The following DACH2 variants were observed in gnomAD, a reference collection of about 807,000 sequenced individuals.
DACH2 encodes the protein dachshund family transcription factor 2.
A neutral mutation model predicts 35.8 loss-of-function variants in DACH2; 17 were observed. That is an observed-to-expected ratio of 0.48 (90% CI 0.33 to 0.71). The LOEUF is 0.71. DACH2 is among the 30% of genes least tolerant of loss of function. The pLI is 0.02. For missense variants in DACH2, 469 were observed against 472.7 expected, an observed-to-expected ratio of 0.99 and a Z score of 0.07; for synonymous variants, 195 against 177.3, an observed-to-expected ratio of 1.10 and a Z score of -0.79.
chrX:86,254,797 TATATATATATAGAGAG>T (rs1281967759), intron 1 of DACH2, among the ~76,000 whole-genome samples: 2 of 68,268 alleles, frequency 2.9e-5, no homozygotes, highest in Non-Finnish European at 5.0e-5. Context: ...TATATATATA[TATATATATATAGAGAG>T]AGAGAGAGAG....
At chrX:86,294,292 T>C (rs1254705315) in intron 1 of DACH2, among the ~76,000 whole-genome samples, 3 of 111,326 alleles carry the variant, frequency 2.7e-5, no homozygotes, top group African/African-American at 9.8e-5. Flanking sequence ...TTTAAGCACT[T>C]CTCTGTGTTG....
intron 1 of DACH2, among the ~76,000 whole-genome samples, chrX:86,235,252 CTG>C (rs1172259855): frequency 8.9e-6 from 1 of 112,150 alleles, no homozygotes; most frequent in Non-Finnish European, 1.9e-5. Context: ...TGATTTATAA[CTG>C]TAGAGGCTGG....
At chrX:86,631,082 G>C (rs1044491809) in intron 3 of DACH2, among the ~76,000 whole-genome samples, 3 of 112,167 alleles carry the variant, frequency 2.7e-5, no homozygotes, top group African/African-American at 9.7e-5. Context: ...TCCTTCCAAA[G>C]CTGTATTTTG....
intron 1 of DACH2, among the ~76,000 whole-genome samples, chrX:86,215,996 A>C (rs1481442892): frequency 8.9e-6 from 1 of 111,939 alleles, no homozygotes; most frequent in Non-Finnish European, 1.9e-5. Flanking sequence ...CTATATTCCC[A>C]AATGAGCAAA....
intron 3 of DACH2, among the ~76,000 whole-genome samples, chrX:86,585,987 G>A (rs2039565695): frequency 9.0e-6 from 1 of 111,251 alleles, no homozygotes; most frequent in Admixed American, 9.5e-5. Flanking sequence ...AAAAATTGAT[G>A]TACTGCTTTC....
At chrX:86,310,197 C>G (rs1357402067) in intron 1 of DACH2, among the ~76,000 whole-genome samples, 2 of 112,331 alleles carry the variant, frequency 1.8e-5, no homozygotes, top group Non-Finnish European at 3.8e-5. Flanking sequence ...CTATCATGAA[C>G]TGGGTGCTTT....
chrX:86,827,773 A>G (rs1458600290), intron 11 of DACH2: 1 of 1,164,666 alleles, frequency 8.6e-7, no homozygotes, highest in Non-Finnish European at 1.1e-6. Flanking sequence ...CAGCCTGAAC[A>G]CTGATGCCGG....
At chrX:86,529,971 ACACACG>A (rs1478172504) in intron 3 of DACH2, among the ~76,000 whole-genome samples, 10 of 45,128 alleles carry the variant, frequency 2.2e-4, no homozygotes, top group East Asian at 8.4e-4. Flanking sequence ...ACACACACAC[ACACACG>A]CACACACACA....
At chrX:86,825,472 T>A (rs1270117210) in intron 11 of DACH2, among the ~76,000 whole-genome samples, 2 of 111,553 alleles carry the variant, frequency 1.8e-5, no homozygotes, top group African/African-American at 6.5e-5. Context: ...TATATGCTTA[T>A]GGAAAGTGGG....
chrX:86,456,019 G>A, intron 2 of DACH2, among the ~76,000 whole-genome samples: 1 of 112,240 alleles, frequency 8.9e-6, no homozygotes, highest in East Asian at 2.8e-4. Flanking sequence ...AGATCCTTGG[G>A]AGAAGCATGG....
chrX:86,518,925 A>G (rs1180280705), intron 3 of DACH2, among the ~76,000 whole-genome samples: 1 of 111,964 alleles, frequency 8.9e-6, no homozygotes, highest in Non-Finnish European at 1.9e-5. Context: ...AGGAGCTCCA[A>G]TAATATGTTG....
intron 2 of DACH2, among the ~76,000 whole-genome samples, chrX:86,471,153 T>C (rs1384811600): frequency 1.8e-5 from 2 of 111,781 alleles, no homozygotes; most frequent in Non-Finnish European, 3.8e-5. Context: ...ATTCCTAGCA[T>C]AAAATATTTT....
At chrX:86,724,690 T>C (rs2041445248) in intron 6 of DACH2, among the ~76,000 whole-genome samples, 1 of 111,599 alleles carries the variant, frequency 9.0e-6, no homozygotes, top group South Asian at 3.7e-4. Context: ...TTGCAATGTA[T>C]ATTCTTGGAG....
intron 3 of DACH2, among the ~76,000 whole-genome samples, chrX:86,580,641 G>C (rs1294475195): frequency 9.0e-6 from 1 of 111,435 alleles, no homozygotes. Flanking sequence ...AAGAAACTAA[G>C]AGCATGAAGA....
chrX:86,705,028 T>TTATATATATATATCTCACA (rs1556379498), intron 5 of DACH2, among the ~76,000 whole-genome samples: 1 of 34,921 alleles, frequency 2.9e-5, no homozygotes. Flanking sequence ...ACAGAAATTG[T>TTATATATATATATCTCACA]TATATATATA....
intron 2 of DACH2, among the ~76,000 whole-genome samples, chrX:86,460,752 A>T (rs1358355623): frequency 9.0e-6 from 1 of 111,078 alleles, no homozygotes; most frequent in African/African-American, 3.3e-5. Flanking sequence ...GTAGTACATT[A>T]AGCAAGGAAA....
intron 4 of DACH2, among the ~76,000 whole-genome samples, chrX:86,667,553 A>AAAGAAAG (rs1569463684): frequency 1.1e-3 from 54 of 49,538 alleles, no homozygotes; most frequent in South Asian, 1.8e-3. Flanking sequence ...AAGAAGAAAG[A>AAAGAAAG]AAGAAAGAAA....
chrX:86,327,447 A>G (rs1427319554), intron 1 of DACH2, among the ~76,000 whole-genome samples: 1 of 111,635 alleles, frequency 9.0e-6, no homozygotes, highest in Non-Finnish European at 1.9e-5. Flanking sequence ...GATTCCTATT[A>G]TTTTTCACTG....
intron 7 of DACH2, among the ~76,000 whole-genome samples, chrX:86,754,274 C>G (rs979806599): frequency 1.8e-5 from 2 of 109,898 alleles, no homozygotes; most frequent in African/African-American, 6.6e-5. Context: ...ATGAAAAAAT[C>G]ATCTAGAATG....
Sources: allele counts gnomAD v4.1 joint callset (sites outside exome capture counted in the v4.1 genomes callset), GRCh38; gene constraint gnomAD v4.1.1; transcripts MANE v1.5; gene names NCBI Gene and HGNC (gene_info 2026-07-23, HGNC 2026-07-21).